The following DLG1 variants were observed in gnomAD, a reference collection of about 807,000 sequenced individuals.
DLG1 encodes the protein disks large homolog 1.
DLG1 carries 42 observed loss-of-function variants against 123.4 expected under a neutral mutation model. The ratio of observed to expected loss-of-function variants is 0.34; its 90% confidence interval spans 0.27 to 0.44. The LOEUF (loss-of-function observed/expected upper bound fraction) is 0.44. Ranked by LOEUF, DLG1 falls within the 20% of genes least tolerant of loss-of-function variation. The probability of loss-of-function intolerance (pLI) is 1.00; values close to 1 mark genes in which losing one functional copy is unlikely to be tolerated. For missense variants in DLG1, 942 were observed against 1,082.6 expected (o/e 0.87, Z 1.82); for synonymous variants, 317 against 356.2 (o/e 0.89, Z 1.24).
intron 23 of DLG1, among the ~76,000 whole-genome samples, chr3:197,057,337 C>T (rs1732450788): frequency 6.6e-6 from 1 of 152,204 alleles, no homozygotes; most frequent in Non-Finnish European, 1.5e-5. Context: ...CTGTCTTGGG[C>T]TCCCAAAGTG....
intron 4 of DLG1, among the ~76,000 whole-genome samples, chr3:197,241,765 G>A (rs776011640): frequency 2.0e-5 from 3 of 152,114 alleles, no homozygotes; most frequent in African/African-American, 7.2e-5. Context: ...TCTAAGATAA[G>A]TTGTCAACTC....
chr3:197,187,211 C>T lies in DLG1; in HGVS notation c.483+7214G>A, dbSNP rs73086559. Reference sequence around the variant, plus strand: ...CAAACTATATGCTCACCTTAGTATACCAGGTCCATGATAAAATTCAATCAT... The same window carrying T: ...CAAACTATATGCTCACCTTAGTATATCAGGTCCATGATAAAATTCAATCAT... On this transcript the variant is annotated intron_variant, in intron 5 of 24. Coordinates refer to ENST00000667157, the MANE Select transcript of DLG1 (RefSeq NM_001366207.1). Among the ~76,000 whole-genome samples, 204 of 152,158 alleles carry T rather than the reference C, an allele frequency of 1.3e-3. 2 individuals are homozygous for T. The highest frequency in any genetic ancestry group is 4.7e-3 in the African/African-American group (197 of 41,518).
intron 4 of DLG1, among the ~76,000 whole-genome samples, chr3:197,239,300 C>G (rs1160692630): frequency 6.6e-6 from 1 of 151,984 alleles, no homozygotes; most frequent in Non-Finnish European, 1.5e-5. Context: ...CTAAATAGAT[C>G]TATAATTAGC....
intron 4 of DLG1, among the ~76,000 whole-genome samples, chr3:197,237,074 C>T (rs969464273): frequency 1.3e-5 from 2 of 152,026 alleles, no homozygotes; most frequent in African/African-American, 4.8e-5. Flanking sequence ...GTCACACAGA[C>T]AATGGCTTGT....
chr3:197,183,576 T>C (rs1452881199), intron 5 of DLG1: 2 of 1,550,198 alleles, frequency 1.3e-6, no homozygotes, highest in Admixed American at 3.9e-5. Flanking sequence ...GTATGTTACC[T>C]GGGTGGAGCT....
chr3:197,268,587 A>AT lies in DLG1; in HGVS notation c.318+14091dup, dbSNP rs1054760162. Among the ~76,000 whole-genome samples, 111 of 146,000 alleles carry AT rather than the reference A, an allele frequency of 7.6e-4. 1 individual carries two copies. The highest frequency in any genetic ancestry group is 1.1e-3 in the African/African-American group (44 of 40,150). On this transcript the variant is annotated intron_variant, in intron 4 of 24. Coordinates refer to ENST00000667157, the MANE Select transcript of DLG1 (RefSeq NM_001366207.1). Reference sequence around the variant, plus strand: ...GGCATGAAGGCACCAACCACGCCTAATTTTTTTTTTTTGTAGGGATGGGGT... The same window carrying AT: ...GGCATGAAGGCACCAACCACGCCTAATTTTTTTTTTTTTGTAGGGATGGGGT...
chr3:197,285,923 A>C (rs1771609626), intron 3 of DLG1, among the ~76,000 whole-genome samples: 1 of 152,232 alleles, frequency 6.6e-6, no homozygotes, highest in Admixed American at 6.5e-5. Flanking sequence ...GACCCTGCAC[A>C]CAAACGCTCA....
chr3:197,275,878 T>C (rs1766184409), intron 4 of DLG1, among the ~76,000 whole-genome samples: 1 of 152,202 alleles, frequency 6.6e-6, no homozygotes, highest in Non-Finnish European at 1.5e-5. Context: ...AGAGAAAATC[T>C]GGAATATTCT....
At chr3:197,147,213 C>T (rs1791253248) in intron 6 of DLG1, among the ~76,000 whole-genome samples, 1 of 152,074 alleles carries the variant, frequency 6.6e-6, no homozygotes, top group East Asian at 1.9e-4. Context: ...AGTACAACCA[C>T]TATGGAAAAC....
chr3:197,248,129 G>A (rs1752647017), intron 4 of DLG1, among the ~76,000 whole-genome samples: 1 of 152,150 alleles, frequency 6.6e-6, no homozygotes, highest in Admixed American at 6.5e-5. Context: ...AAGATAACCT[G>A]ACCACTAGGA....
rs562153807 is a variant in DLG1, at chr3:197,131,617, G to A, written c.1021-946C>T. Reference sequence around the variant, plus strand: ...TTTTTTTTTTTTTTTTTTTTGAGACGGAGTCTCGCTCTGTCGCCCAGGCTG... The same window carrying A: ...TTTTTTTTTTTTTTTTTTTTGAGACAGAGTCTCGCTCTGTCGCCCAGGCTG... On this transcript the variant is annotated intron_variant, in intron 10 of 24. Coordinates refer to ENST00000667157, the MANE Select transcript of DLG1 (RefSeq NM_001366207.1). 5.4e-4 allele frequency among the ~76,000 whole-genome samples: 59 copies of A among 110,226 alleles called. 1 individual carries two copies. Among genetic ancestry groups the A allele is most frequent in the African/African-American group, 9.7e-4 (26 of 26,942 alleles). 72.3% of individuals were successfully genotyped at this position (110,226 alleles called of 152,430 possible).
chr3:197,170,910 T>C (rs532689144), intron 5 of DLG1, among the ~76,000 whole-genome samples: 56 of 152,344 alleles, frequency 3.7e-4, no homozygotes, highest in African/African-American at 1.3e-3. Flanking sequence ...AATTTTTGTA[T>C]GCACACTTCC....
intron 10 of DLG1, among the ~76,000 whole-genome samples, chr3:197,132,615 A>C (rs1004301133): frequency 6.6e-6 from 1 of 150,456 alleles, no homozygotes; most frequent in Non-Finnish European, 1.5e-5. Context: ...TACACATTAA[A>C]TAGCTGTGGC....
At chr3:197,112,047 T>C (rs1296619009) in intron 13 of DLG1, among the ~76,000 whole-genome samples, 1 of 152,232 alleles carries the variant, frequency 6.6e-6, no homozygotes, top group Non-Finnish European at 1.5e-5. Context: ...GTTTAACTTC[T>C]TAAAAACCTT....
chr3:197,104,875 T>C, intron 14 of DLG1, 28 bp downstream of exon 14: 5 of 1,442,402 alleles, frequency 3.5e-6, no homozygotes, highest in Non-Finnish European at 4.9e-6. Context: ...AAATAAGCAA[T>C]AACTATAGAC....
At chr3:197,095,583 T>A (rs768881390) in intron 14 of DLG1, among the ~76,000 whole-genome samples, 2 of 152,192 alleles carry the variant, frequency 1.3e-5, no homozygotes, top group East Asian at 3.8e-4. Context: ...TACATCTGTA[T>A]CAGGTGGTAC....
chr3:197,075,599 A>G (rs892846143), intron 18 of DLG1, among the ~76,000 whole-genome samples: 3 of 152,182 alleles, frequency 2.0e-5, no homozygotes, highest in African/African-American at 7.2e-5. Context: ...ACAAAAAGGA[A>G]AATATAGTTA....
intron 14 of DLG1, among the ~76,000 whole-genome samples, chr3:197,101,343 T>C (rs1225431891): frequency 6.6e-6 from 1 of 152,170 alleles, no homozygotes; most frequent in African/African-American, 2.4e-5. Context: ...ATGGTTCGTA[T>C]CATGCATGGC....
chr3:197,255,711 A>T (rs1174097874), intron 4 of DLG1, among the ~76,000 whole-genome samples: 1 of 152,110 alleles, frequency 6.6e-6, no homozygotes, highest in Admixed American at 6.6e-5. Context: ...AGCCATAATT[A>T]ATCATATATA....
Sources: allele counts gnomAD v4.1 joint callset (sites outside exome capture counted in the v4.1 genomes callset), GRCh38; gene constraint gnomAD v4.1.1; transcripts MANE v1.5; gene names NCBI Gene and HGNC (gene_info 2026-07-23, HGNC 2026-07-21).